NEK10: variants seen among roughly 807,000 people sequenced by gnomAD.
NEK10 encodes the protein NIMA related kinase 10, also known as serine/threonine-protein kinase Nek10.
NEK10 carries 122 observed loss-of-function variants against 159.8 expected under a neutral mutation model. The ratio of observed to expected loss-of-function variants is 0.76; its 90% CI spans 0.66 to 0.89. NEK10 has a LOEUF of 0.89. Ranked by LOEUF, NEK10 falls within the 40% of genes least tolerant of loss-of-function variation. The probability of loss-of-function intolerance (pLI) is 0.00; values close to 1 mark genes in which losing one functional copy is unlikely to be tolerated. For synonymous variants in NEK10, 466 were observed against 457.1 expected, an observed-to-expected ratio of 1.02 and a Z score of -0.25; for missense variants, 1,342 against 1,323.1, an observed-to-expected ratio of 1.01 and a Z score of -0.22.
At chr3:27,233,379 CG>C (rs974932550) in intron 23 of NEK10, among the ~76,000 whole-genome samples, 4 of 151,154 alleles carry the variant, frequency 2.6e-5, no homozygotes, top group Non-Finnish European at 4.4e-5. Context: ...ATAATTAAAA[CG>C]TTTTTTTAAA....
intron 1 of NEK10, among the ~76,000 whole-genome samples, chr3:27,362,555 G>A (rs2048763312): frequency 6.6e-6 from 1 of 151,226 alleles, no homozygotes; most frequent in Non-Finnish European, 1.5e-5. Context: ...GAGGCAAGGA[G>A]AATGCAAACA....
chr3:27,353,861 G>A lies in NEK10; in HGVS notation c.-37-942C>T, dbSNP rs369920821. Among the ~76,000 whole-genome samples, 11 of 152,248 alleles carry A rather than the reference G, an allele frequency of 7.2e-5. No individual in the cohort carries two copies. The East Asian group carries it at 1.9e-3, about 27-fold the overall frequency. ...CTCGTGAACTTTAAAACATGTTTGT[G>A]AGGTGTTCAGGTAGAGATTTAGCAT... On this transcript the variant is annotated intron_variant, in intron 1 of 35. Transcript: ENST00000691995.
intron 22 of NEK10, among the ~76,000 whole-genome samples, chr3:27,258,168 T>C (rs577578793): frequency 6.6e-6 from 1 of 152,094 alleles, no homozygotes; most frequent in Non-Finnish European, 1.5e-5. Context: ...AACAGAATAG[T>C]ATGAAAGTAA....
chr3:27,309,144 GT>G (rs10662525), intron 9 of NEK10, 139 bp from the exon 10 acceptor site: 6,912 of 365,678 alleles, frequency 0.019, 2 homozygotes, highest in East Asian at 0.049. Context: ...AGGCTTAACT[GT>G]TTTTTTTTTT....
intron 26 of NEK10, among the ~76,000 whole-genome samples, chr3:27,181,180 T>C (rs559099414): frequency 6.6e-6 from 1 of 152,282 alleles, no homozygotes; most frequent in Non-Finnish European, 1.5e-5. Context: ...CAAAAATCTA[T>C]GTATAACTTT....
At chr3:27,324,709 G>A (rs766938613) in intron 5 of NEK10, among the ~76,000 whole-genome samples, 34 of 151,980 alleles carry the variant, frequency 2.2e-4, no homozygotes, top group Non-Finnish European at 4.4e-4. Flanking sequence ...TCTCACATCT[G>A]CCAAGATGAT....
At chr3:27,278,663 T>G (rs918065599) in intron 22 of NEK10, 1 of 974,014 alleles carries the variant, frequency 1.0e-6, no homozygotes, top group African/African-American at 1.8e-5. Context: ...TTAACTATAA[T>G]TAAATGAGTT....
intron 1 of NEK10, among the ~76,000 whole-genome samples, chr3:27,361,897 CAAA>C (rs10542897): frequency 4.2e-4 from 62 of 147,932 alleles, no homozygotes; most frequent in East Asian, 1.7e-3. Flanking sequence ...CTGGGCACTA[CAAA>C]AAAAAAAAAT....
intron 31 of NEK10, among the ~76,000 whole-genome samples, chr3:27,135,350 G>T (rs1242593479): frequency 6.6e-6 from 1 of 152,150 alleles, no homozygotes; most frequent in Non-Finnish European, 1.5e-5. Flanking sequence ...TGAAGAAAGT[G>T]ACTCTTAAAA....
chr3:27,365,574 GT>G (rs1024304649), intron 1 of NEK10, among the ~76,000 whole-genome samples: 2 of 116,128 alleles, frequency 1.7e-5, no homozygotes, highest in African/African-American at 6.4e-5. Flanking sequence ...TCATATTCCT[GT>G]TTTTTTGTTT....
At chr3:27,119,997 C>A in intron 32 of NEK10, 129 bp from the exon 33 acceptor site, 4 of 588,104 alleles carry the variant, frequency 6.8e-6, no homozygotes, top group Admixed American at 3.1e-5. Context: ...GTTTTCAATC[C>A]CTTGTAAATA....
At chr3:27,269,460 A>G (rs1203002276) in intron 22 of NEK10, among the ~76,000 whole-genome samples, 2 of 152,250 alleles carry the variant, frequency 1.3e-5, no homozygotes, top group African/African-American at 2.4e-5. Flanking sequence ...TCAAGTCATG[A>G]CCCTCCACCA....
chr3:27,113,674 A>G lies in NEK10; in HGVS notation c.3299+2266T>C, dbSNP rs1939955062. Among the ~76,000 whole-genome samples, 3 of 152,304 alleles carry G rather than the reference A, an allele frequency of 2.0e-5. No individual in the cohort carries two copies. The South Asian group carries it at 6.2e-4, about 32-fold the overall frequency. On this transcript the variant is annotated intron_variant, in intron 35 of 35. Coordinates refer to ENST00000691995, the MANE Select transcript of NEK10 (RefSeq NM_001394966.1). ...CTTATTATCTGTTTATCATAATAAGAAAATTTGCAATGTCTTTTAATAAAG... is the reference window on the plus strand; with the variant it reads ...CTTATTATCTGTTTATCATAATAAGGAAATTTGCAATGTCTTTTAATAAAG...
At chr3:27,284,389 G>C (rs1575586849) in intron 22 of NEK10, among the ~76,000 whole-genome samples, 1 of 151,148 alleles carries the variant, frequency 6.6e-6, no homozygotes, top group East Asian at 1.9e-4. Flanking sequence ...CTGTCTCGAA[G>C]AAAAAAAAAT....
intron 32 of NEK10, among the ~76,000 whole-genome samples, chr3:27,125,085 C>T (rs1327984470): frequency 6.6e-6 from 1 of 152,018 alleles, no homozygotes; most frequent in African/African-American, 2.4e-5. Context: ...AATATACTTT[C>T]GAACTAAACT....
chr3:27,286,461 A>C (rs2042616353), intron 20 of NEK10, among the ~76,000 whole-genome samples: 1 of 148,672 alleles, frequency 6.7e-6, no homozygotes. Flanking sequence ...GGCTCAGTGC[A>C]ACCTCTGCCT....
intron 22 of NEK10, among the ~76,000 whole-genome samples, chr3:27,267,831 T>C (rs949713201): frequency 1.3e-5 from 2 of 152,124 alleles, no homozygotes; most frequent in African/African-American, 4.8e-5. Context: ...CTAGAAATGA[T>C]GAAGCTTAGT....
intron 33 of NEK10, among the ~76,000 whole-genome samples, chr3:27,116,771 A>G (rs959995291): frequency 6.6e-6 from 1 of 151,902 alleles, no homozygotes; most frequent in African/African-American, 2.4e-5. Context: ...ACGTCTGTAC[A>G]TTATAAGCAT....
chr3:27,292,271 G>A lies in NEK10; in HGVS notation c.1374-685C>T, dbSNP rs140590675. ...TACTTGTAAGATATTTGGGGGTATAGGCATTGAATACATTAGAAGGAAACA... is the reference window on the plus strand; with the variant it reads ...TACTTGTAAGATATTTGGGGGTATAAGCATTGAATACATTAGAAGGAAACA... On this transcript the variant is annotated intron_variant, in intron 16 of 35. Coordinates refer to ENST00000691995, the MANE Select transcript of NEK10 (RefSeq NM_001394966.1). Among the ~76,000 whole-genome samples, 6 of 152,208 alleles carry A rather than the reference G, an allele frequency of 3.9e-5. No individual in the cohort carries two copies. The East Asian group carries it at 9.7e-4, about 25-fold the overall frequency.
Sources: allele counts gnomAD v4.1 joint callset (sites outside exome capture counted in the v4.1 genomes callset), GRCh38; gene constraint gnomAD v4.1.1; transcripts MANE v1.5; gene names NCBI Gene and HGNC (gene_info 2026-07-23, HGNC 2026-07-21).